The following UGT1A10 variants were observed in gnomAD, a reference collection of about 807,000 sequenced individuals.
UGT1A10 encodes the protein UDP glucuronosyltransferase family 1 member A10, also known as UDP-glucuronosyltransferase 1A10.
A neutral mutation model predicts 45.8 loss-of-function variants in UGT1A10; 49 were observed. The ratio of observed to expected loss-of-function variants is 1.07; its 90% confidence interval spans 0.85 to 1.36. The LOEUF is 1.36. UGT1A10 is among the 40% of genes most tolerant of loss of function. The probability of loss-of-function intolerance (pLI) is 0.00; values close to 1 mark genes in which losing one functional copy is unlikely to be tolerated. For synonymous variants in UGT1A10, 284 were observed against 249.7 expected (o/e 1.14, Z -1.29); for missense variants, 745 against 668.6 (o/e 1.11, Z -1.26).
At chr2:233,726,649 CTTAAT>C (rs898700171) in intron 1 of UGT1A10, among the ~76,000 whole-genome samples, 5 of 152,174 alleles carry the variant, frequency 3.3e-5, no homozygotes, top group Non-Finnish European at 7.3e-5. Context: ...TCTTAAAACT[CTTAAT>C]TTAATCATAT....
intron 1 of UGT1A10, among the ~76,000 whole-genome samples, chr2:233,706,676 C>T (rs2075918998): frequency 6.6e-6 from 1 of 152,132 alleles, no homozygotes; most frequent in African/African-American, 2.4e-5. Context: ...TTCTACTCCC[C>T]ACCCCACTCC....
chr2:233,691,655 C>T (rs1025228632), intron 1 of UGT1A10: 1 of 984,752 alleles, frequency 1.0e-6, no homozygotes, highest in African/African-American at 1.8e-5. Context: ...GTGTGACCCT[C>T]CCTTTCTGGG....
intron 1 of UGT1A10, chr2:233,672,304 T>C: frequency 1.2e-6 from 2 of 1,614,024 alleles, no homozygotes; most frequent in East Asian, 4.5e-5. Flanking sequence ...TTTTTCAAAT[T>C]GCAGGAGTTT....
At chr2:233,643,121 G>A (rs2073499905) in intron 1 of UGT1A10, among the ~76,000 whole-genome samples, 1 of 152,218 alleles carries the variant, frequency 6.6e-6, no homozygotes, top group African/African-American at 2.4e-5. Flanking sequence ...AGCCAGACCT[G>A]CATCCCTCCC....
intron 1 of UGT1A10, among the ~76,000 whole-genome samples, chr2:233,739,884 T>C (rs1299319141): frequency 6.6e-6 from 1 of 151,956 alleles, no homozygotes; most frequent in Non-Finnish European, 1.5e-5. Context: ...ACTGTGTGTT[T>C]CCACCCAAAT....
At chr2:233,661,622 A>ATTTTCT (rs374311396) in intron 1 of UGT1A10, among the ~76,000 whole-genome samples, 4 of 68,474 alleles carry the variant, frequency 5.8e-5, no homozygotes, top group African/African-American at 1.7e-4. Flanking sequence ...GACTTACTGA[A>ATTTTCT]TTTTCTTTCT....
At chr2:233,741,628 C>T (rs1691725357) in intron 1 of UGT1A10, 1 of 151,848 alleles carries the variant, frequency 6.6e-6, no homozygotes, top group Non-Finnish European at 1.5e-5. Context: ...CCCCATGAGC[C>T]CCTGTGGGAT....
At chr2:233,755,143 C>T (rs1695780518) in intron 1 of UGT1A10, 3 of 1,305,190 alleles carry the variant, frequency 2.3e-6, no homozygotes, top group Non-Finnish European at 3.1e-6. Context: ...AATCTTCTCA[C>T]CGCTTCCTCC....
intron 1 of UGT1A10, chr2:233,741,926 GCATAACCTGTGC>G: frequency 6.6e-6 from 1 of 151,948 alleles, no homozygotes; most frequent in Non-Finnish European, 1.5e-5. Context: ...TTCATTTGGG[GCATAACCTGTGC>G]CAACAGAAAG....
chr2:233,734,415 TTTC>T (rs2078522932), intron 1 of UGT1A10, among the ~76,000 whole-genome samples: 1 of 152,160 alleles, frequency 6.6e-6, no homozygotes, highest in African/African-American at 2.4e-5. Context: ...TCTTCTCTCT[TTTC>T]TTCTTTATTA....
At chr2:233,758,861 A>G (rs911579331) in intron 1 of UGT1A10, among the ~76,000 whole-genome samples, 2 of 152,228 alleles carry the variant, frequency 1.3e-5, no homozygotes, top group African/African-American at 4.8e-5. Context: ...TGGCTGCACA[A>G]TACTTGCCCC....
At chr2:233,653,846 C>T (rs2073794220) in intron 1 of UGT1A10, among the ~76,000 whole-genome samples, 1 of 152,250 alleles carries the variant, frequency 6.6e-6, no homozygotes, top group Non-Finnish European at 1.5e-5. Context: ...ATCTGCCCTT[C>T]TCAGCCTCCC....
chr2:233,745,708 C>G (rs571256965), intron 1 of UGT1A10, among the ~76,000 whole-genome samples: 5 of 149,444 alleles, frequency 3.3e-5, no homozygotes, highest in South Asian at 2.1e-4. Context: ...AACAAGTGAT[C>G]CAGAATGGCT....
chr2:233,733,864 A>G (rs1575602891), intron 1 of UGT1A10, among the ~76,000 whole-genome samples: 1 of 151,900 alleles, frequency 6.6e-6, no homozygotes, highest in African/African-American at 2.4e-5. Context: ...TGATTGGAAT[A>G]GTTTCAGAAG....
chr2:233,743,431 C>A lies in UGT1A10; in HGVS notation c.856-23603C>A, dbSNP rs755334550. 6 of 1,354,320 alleles carry A rather than the reference C, an allele frequency of 4.4e-6. No homozygotes were observed. In the East Asian group the frequency reaches 1.9e-4, roughly 42 times the overall value. The allele number at this position is 1,354,320 out of a possible 1,614,324, so 83.9% of individuals were successfully genotyped here. A position where few individuals can be genotyped will look rare whatever the true frequency, so the allele number is the denominator to read the frequency against. ...CCCACTTCCCAGGGAGCCAAAGGAA[C>A]GAAATCCTGTATCAAAAGAAGAAAA... On this transcript the variant is annotated intron_variant, in intron 1 of 4. Transcript: ENST00000344644.
At chr2:233,709,728 A>G (rs1036199930) in intron 1 of UGT1A10, among the ~76,000 whole-genome samples, 11 of 152,204 alleles carry the variant, frequency 7.2e-5, no homozygotes, top group African/African-American at 2.4e-4. Flanking sequence ...TATGTTTTCA[A>G]TTGATACTAC....
At chr2:233,660,592 A>G (rs1178293596) in intron 1 of UGT1A10, among the ~76,000 whole-genome samples, 1 of 152,180 alleles carries the variant, frequency 6.6e-6, no homozygotes, top group African/African-American at 2.4e-5. Flanking sequence ...TTTTCCCTTA[A>G]AGGCTCAAGG....
intron 1 of UGT1A10, among the ~76,000 whole-genome samples, chr2:233,683,560 T>G (rs1408548719): frequency 6.6e-6 from 1 of 152,212 alleles, no homozygotes; most frequent in African/African-American, 2.4e-5. Context: ...GGCCTTCTTT[T>G]GCTATTACAT....
At chr2:233,693,615 CT>C (rs779391112) in intron 1 of UGT1A10, 58 of 1,614,100 alleles carry the variant, frequency 3.6e-5, no homozygotes, top group South Asian at 8.8e-5. Context: ...GACCACATGA[CT>C]TTTTCCCAAC....
Sources: allele counts gnomAD v4.1 joint callset (sites outside exome capture counted in the v4.1 genomes callset), GRCh38; gene constraint gnomAD v4.1.1; transcripts MANE v1.5; gene names NCBI Gene and HGNC (gene_info 2026-07-23, HGNC 2026-07-21).